Variants in XKR6 observed in about 807,000 individuals in gnomAD.
XKR6 encodes XK-related protein 6.
Under a neutral mutation model 56.7 loss-of-function variants are expected in XKR6, and 22 were observed. That is an observed-to-expected ratio of 0.39 (90% CI 0.28 to 0.55). XKR6 has a LOEUF of 0.55. Among genes scored for constraint, XKR6 ranks in the 20% least tolerant of loss-of-function variants. XKR6 has a pLI of 0.66. For synonymous variants in XKR6, 524 were observed against 387.8 expected, an observed-to-expected ratio of 1.35 and a Z score of -4.13; for missense variants, 852 against 889.0, an observed-to-expected ratio of 0.96 and a Z score of 0.53.
intron 1 of XKR6, among the ~76,000 whole-genome samples, chr8:11,121,943 C>T (rs1353324080): frequency 6.6e-6 from 1 of 152,188 alleles, no homozygotes; most frequent in Non-Finnish European, 1.5e-5. Context: ...GGACAAAAAA[C>T]CATATACCAC....
chr8:10,976,207 C>T (rs1044567598), intron 1 of XKR6, among the ~76,000 whole-genome samples: 5 of 151,768 alleles, frequency 3.3e-5, no homozygotes, highest in East Asian at 1.9e-4. Context: ...CCCCCAACCT[C>T]GCCACCATGT....
intron 1 of XKR6, among the ~76,000 whole-genome samples, chr8:11,034,909 G>A (rs1323192745): frequency 3.9e-5 from 6 of 152,172 alleles, no homozygotes; most frequent in Admixed American, 1.3e-4. Flanking sequence ...CTTCTCCTGC[G>A]GTGTGATACT....
Position 11,200,534 on chromosome 8 carries a change from G to C in XKR6, c.764+42C>G, listed in dbSNP as rs771284719. On this transcript the variant is annotated intron_variant, in intron 1 of 2. Coordinates refer to ENST00000416569, the MANE Select transcript of XKR6 (RefSeq NM_173683.4). The surrounding 1 kb of genome is among the most constrained non-coding windows in gnomAD (Gnocchi z 6.4). ...CGAAGCACCGGGAGGGCGGAGGGGGGCTCCTCAGGGCCGGCCCGCCCCCAC... is the reference window on the plus strand; with the variant it reads ...CGAAGCACCGGGAGGGCGGAGGGGGCCTCCTCAGGGCCGGCCCGCCCCCAC... 1.4e-5 allele frequency: 20 copies of C among 1,412,908 alleles called. No homozygotes were observed. The highest frequency in any genetic ancestry group is 1.6e-5 in the Non-Finnish European group (18 of 1,091,536). 87.5% of individuals were successfully genotyped at this position (1,412,908 alleles called of 1,614,324 possible). A position where few individuals can be genotyped will look rare whatever the true frequency, so the allele number is the denominator to read the frequency against.
intron 1 of XKR6, among the ~76,000 whole-genome samples, chr8:11,005,812 AT>A (rs1798354252): frequency 6.6e-6 from 1 of 150,520 alleles, no homozygotes; most frequent in South Asian, 2.1e-4. Context: ...TATGATAGAC[AT>A]ATATAATAAA....
At chr8:10,994,005 G>T (rs975562849) in intron 1 of XKR6, among the ~76,000 whole-genome samples, 8 of 152,092 alleles carry the variant, frequency 5.3e-5, no homozygotes, top group Admixed American at 5.2e-4. Context: ...TATCCTGTTT[G>T]GTGTTTCAGT....
At chr8:11,195,353 C>T (rs1803819178) in intron 1 of XKR6, 2 of 589,840 alleles carry the variant, frequency 3.4e-6, no homozygotes, top group African/African-American at 3.7e-5. Flanking sequence ...GGATAGTCAA[C>T]TGCTAATATC....
chr8:11,048,889 C>T (rs1352866234), intron 1 of XKR6, among the ~76,000 whole-genome samples: 3 of 152,236 alleles, frequency 2.0e-5, no homozygotes, highest in Non-Finnish European at 4.4e-5. Flanking sequence ...CCTGCCCACT[C>T]GCTCCAGCCG....
intron 1 of XKR6, among the ~76,000 whole-genome samples, chr8:10,996,699 T>C (rs574148724): frequency 2.6e-4 from 40 of 152,232 alleles, no homozygotes; most frequent in African/African-American, 9.4e-4. Flanking sequence ...GGGCTGGCTT[T>C]AGGGAAAGAA....
At chr8:10,924,485 C>G (rs1031092164) in intron 2 of XKR6, 149 bp downstream of exon 2, 88 of 897,022 alleles carry the variant, frequency 9.8e-5, no homozygotes, top group Non-Finnish European at 2.3e-5. Flanking sequence ...GCCCCGTCAG[C>G]ACTGCACTGG....
rs1467009885 is a variant in XKR6 at position 11,164,516 on chromosome 8, A to G, written c.764+36060T>C. Among the ~76,000 whole-genome samples the G allele has an allele frequency of 2.0e-5, 3 of 152,236 alleles. No individual in the cohort carries two copies. In the East Asian group the frequency reaches 5.8e-4, roughly 29 times the overall value. On this transcript the variant is annotated intron_variant, in intron 1 of 2. Coordinates refer to ENST00000416569, the MANE Select transcript of XKR6 (RefSeq NM_173683.4). ...AGCAGAAAAGAATGAAATAAAGTGA[A>G]AATTCAAGAGGTTCTTGTTTTAAGT...
chr8:11,116,429 G>C (rs902638201), intron 1 of XKR6, among the ~76,000 whole-genome samples: 7 of 152,120 alleles, frequency 4.6e-5, no homozygotes, highest in Admixed American at 3.3e-4. Flanking sequence ...GGAATGCAGT[G>C]ACACAATCTT....
chr8:11,184,426 T>G (rs995801257), intron 1 of XKR6, among the ~76,000 whole-genome samples: 5 of 151,172 alleles, frequency 3.3e-5, no homozygotes, highest in Non-Finnish European at 5.9e-5. Context: ...CACACTTATA[T>G]TACATTTATT....
At chr8:10,999,794 C>T (rs533799705) in intron 1 of XKR6, among the ~76,000 whole-genome samples, 15 of 152,208 alleles carry the variant, frequency 9.9e-5, no homozygotes, top group African/African-American at 3.4e-4. Flanking sequence ...GCAGGTGACT[C>T]GGGACAGCAT....
At chr8:11,174,037 T>C (rs532424880) in intron 1 of XKR6, among the ~76,000 whole-genome samples, 1 of 152,370 alleles carries the variant, frequency 6.6e-6, no homozygotes, top group African/African-American at 2.4e-5. Flanking sequence ...GACAACATCA[T>C]GTATTTCCTT....
At chr8:10,915,354 T>A (rs998660903) in intron 2 of XKR6, among the ~76,000 whole-genome samples, 1 of 149,834 alleles carries the variant, frequency 6.7e-6, no homozygotes, top group Non-Finnish European at 1.5e-5. Flanking sequence ...AGAGCCCCCA[T>A]GAAGCTACCT....
intron 1 of XKR6, among the ~76,000 whole-genome samples, chr8:11,018,226 C>G (rs1798671413): frequency 6.6e-6 from 1 of 151,920 alleles, no homozygotes; most frequent in African/African-American, 2.4e-5. Context: ...AACTCCCTCC[C>G]TGCCATCAGC....
At chr8:11,185,170 G>A (rs1045053810) in intron 1 of XKR6, among the ~76,000 whole-genome samples, 3 of 152,274 alleles carry the variant, frequency 2.0e-5, no homozygotes, top group Middle Eastern at 3.4e-3. Context: ...GGTGCCCGCC[G>A]TGTGCCCTGA....
chr8:11,017,736 C>T lies in XKR6; in HGVS notation c.765-92906G>A, dbSNP rs535253808. Among the ~76,000 whole-genome samples, 21 of 152,278 alleles carry T rather than the reference C, an allele frequency of 1.4e-4. 1 individual carries two copies. Among genetic ancestry groups the T allele is most frequent in the African/African-American group, 3.4e-4 (14 of 41,552 alleles). ...AGGCATTTGACCTGGGTCCTGAGGACGGGCTGAGGTTCCCAGAAGAAGAAA... is the reference window on the plus strand; with the variant it reads ...AGGCATTTGACCTGGGTCCTGAGGATGGGCTGAGGTTCCCAGAAGAAGAAA... On this transcript the variant is annotated intron_variant, in intron 1 of 2. Coordinates refer to ENST00000416569, the MANE Select transcript of XKR6 (RefSeq NM_173683.4).
chr8:11,165,265 A>C (rs535850574), intron 1 of XKR6, among the ~76,000 whole-genome samples: 19 of 151,772 alleles, frequency 1.3e-4, no homozygotes, highest in African/African-American at 4.6e-4. Flanking sequence ...ACACCTAGCT[A>C]ATTTTTGTAT....
Sources: gnomAD v4.1 joint callset for allele counts (sites outside exome capture counted in the v4.1 genomes callset) on GRCh38, gnomAD v4.1.1 for gene constraint, Gnocchi (gnomAD v3.1) non-coding constraint, MANE v1.5 for transcripts, NCBI Gene and HGNC (gene_info 2026-07-23, HGNC 2026-07-21) for gene names.